FRMD5: variants seen among roughly 807,000 people sequenced by gnomAD.
The protein encoded by FRMD5 is FERM domain containing 5.
A neutral mutation model predicts 69.0 loss-of-function variants in FRMD5; 20 were observed. That is an observed-to-expected ratio of 0.29 (90% CI 0.20 to 0.42). The LOEUF is 0.42. Among genes scored for constraint, FRMD5 ranks in the 10% least tolerant of loss-of-function variants. The pLI is 1.00. For synonymous variants in FRMD5, 271 were observed against 260.1 expected, an observed-to-expected ratio of 1.04 and a Z score of -0.40; for missense variants, 595 against 708.6, an observed-to-expected ratio of 0.84 and a Z score of 1.82.
intron 1 of FRMD5, among the ~76,000 whole-genome samples, chr15:44,081,907 TGAA>T (rs1894012346): frequency 6.6e-6 from 1 of 151,950 alleles, no homozygotes; most frequent in African/African-American, 2.4e-5. Flanking sequence ...CAGAGGACAA[TGAA>T]GAAGAAAAGT....
Position 43,975,088 on chromosome 15 carries a change from A to G in FRMD5, c.103-50779T>C, listed in dbSNP as rs76097210. Among the ~76,000 whole-genome samples the G allele has an allele frequency of 1.4e-3, 206 of 152,322 alleles. 2 individuals are homozygous for G. The East Asian group carries it at 0.03, about 22-fold the overall frequency. On this transcript the variant is annotated intron_variant, in intron 1 of 13. Transcript: ENST00000417257. ...AGAGCAGTGAACCATGAGGAATGAGAGCAGATTAGCTTAGCAAAAAGATAA... is the reference window on the plus strand; with the variant it reads ...AGAGCAGTGAACCATGAGGAATGAGGGCAGATTAGCTTAGCAAAAAGATAA...
intron 7 of FRMD5, among the ~76,000 whole-genome samples, chr15:43,898,997 T>C (rs2088981109): frequency 6.6e-6 from 1 of 152,196 alleles, no homozygotes; most frequent in Non-Finnish European, 1.5e-5. Context: ...GGACAGAGCC[T>C]AAGCTAGAGC....
intron 1 of FRMD5, among the ~76,000 whole-genome samples, chr15:44,033,909 T>C (rs1891795621): frequency 6.6e-6 from 1 of 152,224 alleles, no homozygotes; most frequent in Non-Finnish European, 1.5e-5. Flanking sequence ...GTCTGGTATT[T>C]ATTAAGTGTT....
intron 13 of FRMD5, chr15:43,876,019 C>CT: frequency 8.1e-7 from 1 of 1,232,740 alleles, no homozygotes; most frequent in Non-Finnish European, 1.2e-6. Flanking sequence ...CCTTGCCTGG[C>CT]TTTATCTTCA....
intron 1 of FRMD5, among the ~76,000 whole-genome samples, chr15:43,961,535 T>C (rs2090200810): frequency 6.6e-6 from 1 of 152,036 alleles, no homozygotes; most frequent in Non-Finnish European, 1.5e-5. Context: ...AAAGAGGGAA[T>C]CCTCCCTAAC....
intron 1 of FRMD5, among the ~76,000 whole-genome samples, chr15:44,112,029 G>A (rs1169634306): frequency 6.6e-6 from 1 of 151,982 alleles, no homozygotes; most frequent in Non-Finnish European, 1.5e-5. Context: ...ATTTTTAGTA[G>A]AGACGGGGTT....
At chr15:43,994,326 TTGAA>T (rs571601682) in intron 1 of FRMD5, among the ~76,000 whole-genome samples, 5 of 152,330 alleles carry the variant, frequency 3.3e-5, no homozygotes, top group South Asian at 2.1e-4. Context: ...GGTAACAACT[TTGAA>T]TGCGTAAAAA....
Position 43,873,369 on chromosome 15 carries a change from C to G in FRMD5, c.*516G>C. On this transcript the variant is annotated 3_prime_UTR_variant, in exon 14 of 14. Transcript: ENST00000417257. ...AAAACAAACAAAAAACTAAACAGTCCCCATTGTCCAGATCCCTGGCCTGCC... is the reference window on the plus strand; with the variant it reads ...AAAACAAACAAAAAACTAAACAGTCGCCATTGTCCAGATCCCTGGCCTGCC... 1 of 1,456,656 alleles carries G rather than the reference C, an allele frequency of 6.9e-7. No homozygotes were observed. The highest frequency in any genetic ancestry group is 9.0e-7 in the Non-Finnish European group (1 of 1,111,716). The allele number at this position is 1,456,656 out of a possible 1,614,324, so 90.2% of individuals were successfully genotyped here. A position where few individuals can be genotyped will look rare whatever the true frequency, so the allele number is the denominator to read the frequency against.
At chr15:44,011,224 T>C (rs1890705975) in intron 1 of FRMD5, among the ~76,000 whole-genome samples, 1 of 19,982 alleles carries the variant, frequency 5.0e-5, no homozygotes, top group Non-Finnish European at 2.0e-4. Context: ...TCCTTCCTAA[T>C]ACTTTACATC....
chr15:44,138,537 C>A (rs1012458969), intron 1 of FRMD5, among the ~76,000 whole-genome samples: 10 of 152,118 alleles, frequency 6.6e-5, no homozygotes, highest in African/African-American at 2.4e-4. Context: ...AGCTAGGATT[C>A]CATGCCCAGC....
chr15:43,873,148 C>G lies in FRMD5; in HGVS notation c.*737G>C. 1.3e-6 allele frequency: 2 copies of G among 1,547,460 alleles called. No individual in the cohort carries two copies. The highest frequency in any genetic ancestry group is 1.7e-6 in the Non-Finnish European group (2 of 1,144,298). On this transcript the variant is annotated 3_prime_UTR_variant, in exon 14 of 14. Transcript: ENST00000417257. ...AAACTATGGTGATGCCCACTAGGCT[C>G]TAGACTAAGGGGACAGACTTACCCC...
chr15:43,957,251 A>T (rs2090129412), intron 1 of FRMD5, among the ~76,000 whole-genome samples: 1 of 151,794 alleles, frequency 6.6e-6, no homozygotes, highest in South Asian at 2.1e-4. Context: ...GCTGGAGTAC[A>T]GTGGTGAGAT....
intron 2 of FRMD5, among the ~76,000 whole-genome samples, chr15:43,920,559 A>T (rs1361153616): frequency 2.0e-5 from 3 of 152,168 alleles, no homozygotes; most frequent in Non-Finnish European, 2.9e-5. Context: ...AAACCATTCT[A>T]TATGTGTTCC....
chr15:43,871,234 T>C lies in FRMD5; in HGVS notation c.*2651A>G, dbSNP rs2088153094. 6.6e-6 allele frequency: 1 copy of C among 152,236 alleles called. No individual in the cohort carries two copies. Among genetic ancestry groups the C allele is most frequent in the South Asian group, 2.1e-4 (1 of 4,836 alleles). The allele number at this position is 152,236 out of a possible 1,614,324, so 9.4% of individuals were successfully genotyped here. A position where few individuals can be genotyped will look rare whatever the true frequency, so the allele number is the denominator to read the frequency against. ...CTGAAGGAAACTTTTCTATCCATAT[T>C]TTCTGGGATGAGCCCTGGAAAAAAA... On this transcript the variant is annotated 3_prime_UTR_variant, in exon 14 of 14. Coordinates refer to ENST00000417257, the MANE Select transcript of FRMD5 (RefSeq NM_032892.5).
chr15:44,105,624 G>C (rs1194400139), intron 1 of FRMD5, among the ~76,000 whole-genome samples: 1 of 152,152 alleles, frequency 6.6e-6, no homozygotes, highest in Non-Finnish European at 1.5e-5. Context: ...ATACTGAGTT[G>C]AGAATTTAAA....
chr15:43,961,857 C>A (rs1381924799), intron 1 of FRMD5, among the ~76,000 whole-genome samples: 1 of 152,254 alleles, frequency 6.6e-6, no homozygotes, highest in East Asian at 1.9e-4. Context: ...TTCAACAACC[C>A]TTCATGCTAA....
chr15:44,140,115 G>A (rs1268666229), intron 1 of FRMD5, among the ~76,000 whole-genome samples: 3 of 151,858 alleles, frequency 2.0e-5, no homozygotes, highest in African/African-American at 7.3e-5. Context: ...ATATAAAACT[G>A]TGCTAAACAG....
At chr15:44,001,745 T>C (rs1031490305) in intron 1 of FRMD5, among the ~76,000 whole-genome samples, 1 of 151,940 alleles carries the variant, frequency 6.6e-6, no homozygotes, top group Non-Finnish European at 1.5e-5. Context: ...TAGCTGGGAC[T>C]ACAGGCACAT....
At chr15:43,923,557 TA>T (rs2140449198) in intron 2 of FRMD5, among the ~76,000 whole-genome samples, 1 of 152,206 alleles carries the variant, frequency 6.6e-6, no homozygotes, top group South Asian at 2.1e-4. Flanking sequence ...AGAAAGAAGG[TA>T]TGATGTATCT....
Sources: gnomAD v4.1 joint callset for allele counts (sites outside exome capture counted in the v4.1 genomes callset) on GRCh38, gnomAD v4.1.1 for gene constraint, MANE v1.5 for transcripts, NCBI Gene and HGNC (gene_info 2026-07-23, HGNC 2026-07-21) for gene names.